CDH9: variants seen among roughly 807,000 people sequenced by gnomAD.
CDH9 encodes the protein cadherin 9, also known as cadherin-9.
A neutral mutation model predicts 70.9 loss-of-function variants in CDH9; 28 were observed. The ratio of observed to expected loss-of-function variants is 0.40; its 90% CI spans 0.29 to 0.54. The LOEUF (loss-of-function observed/expected upper bound fraction) is 0.54, where lower values mean the gene tolerates loss of function less well. Ranked by LOEUF, CDH9 falls within the 20% of genes least tolerant of loss-of-function variation. The probability of loss-of-function intolerance (pLI) is 0.59; values close to 1 mark genes in which losing one functional copy is unlikely to be tolerated. For synonymous variants in CDH9, 409 were observed against 343.1 expected (o/e 1.19, Z -2.12); for missense variants, 874 against 984.4 (o/e 0.89, Z 1.50).
At chr5:26,945,981 GA>G in intron 2 of CDH9, among the ~76,000 whole-genome samples, 1 of 152,202 alleles carries the variant, frequency 6.6e-6, no homozygotes, top group African/African-American at 2.4e-5. Context: ...AGAAAATGAA[GA>G]AGAAAATCTT....
chr5:26,962,006 G>A (rs1461537511), intron 2 of CDH9, among the ~76,000 whole-genome samples: 2 of 152,102 alleles, frequency 1.3e-5, no homozygotes, highest in Non-Finnish European at 2.9e-5. Context: ...GCCCTGGTGT[G>A]TGATGTCGCC....
intron 2 of CDH9, among the ~76,000 whole-genome samples, chr5:26,942,656 C>G (rs1161393492): frequency 2.0e-5 from 3 of 152,126 alleles, no homozygotes; most frequent in Admixed American, 1.3e-4. Flanking sequence ...TCATGATATG[C>G]TGTTTAAAGT....
At chr5:26,961,656 T>TA (rs764712234) in intron 2 of CDH9, among the ~76,000 whole-genome samples, 48 of 152,130 alleles carry the variant, frequency 3.2e-4, no homozygotes, top group East Asian at 5.8e-4. Flanking sequence ...ATAAACAAAA[T>TA]AAAAAAACTA....
At chr5:26,972,983 C>G (rs781045887) in intron 2 of CDH9, among the ~76,000 whole-genome samples, 1 of 152,038 alleles carries the variant, frequency 6.6e-6, no homozygotes, top group East Asian at 1.9e-4. Flanking sequence ...CCTGCCTCAG[C>G]CTTCCAAGTA....
At chr5:27,032,533 A>C (rs142575081) in intron 1 of CDH9, among the ~76,000 whole-genome samples, 3 of 151,828 alleles carry the variant, frequency 2.0e-5, no homozygotes, top group African/African-American at 7.2e-5. Context: ...GGGGAGGCAG[A>C]AAACTATTTT....
At chr5:26,911,503 A>C (rs1248100076) in intron 3 of CDH9, among the ~76,000 whole-genome samples, 1 of 152,122 alleles carries the variant, frequency 6.6e-6, no homozygotes, top group East Asian at 1.9e-4. Context: ...TGTTAGGAAG[A>C]GGACTGGATA....
At chr5:27,016,668 C>A (rs1743051717) in intron 1 of CDH9, among the ~76,000 whole-genome samples, 1 of 151,576 alleles carries the variant, frequency 6.6e-6, no homozygotes, top group Non-Finnish European at 1.5e-5. Context: ...AACCGATATG[C>A]AAATTATCCA....
At chr5:27,005,857 A>G (rs1395703531) in intron 1 of CDH9, among the ~76,000 whole-genome samples, 9 of 152,154 alleles carry the variant, frequency 5.9e-5, no homozygotes, top group Non-Finnish European at 1.2e-4. Context: ...ATGCAGTCAT[A>G]TCTTTTGCTT....
intron 1 of CDH9, among the ~76,000 whole-genome samples, chr5:27,025,037 A>T (rs1031137843): frequency 6.6e-5 from 10 of 152,112 alleles, no homozygotes; most frequent in African/African-American, 2.4e-4. Context: ...GCATTTCCTT[A>T]TAGAAAATAT....
intron 1 of CDH9, among the ~76,000 whole-genome samples, chr5:26,990,072 T>C (rs1042269704): frequency 1.3e-5 from 2 of 152,126 alleles, no homozygotes; most frequent in Admixed American, 1.3e-4. Flanking sequence ...GTTTTTAATA[T>C]AAGACAATGC....
chr5:27,026,197 A>G (rs1191363079), intron 1 of CDH9, among the ~76,000 whole-genome samples: 1 of 152,058 alleles, frequency 6.6e-6, no homozygotes, highest in Non-Finnish European at 1.5e-5. Context: ...TTAATAAAAC[A>G]CTGAAACAAG....
chr5:26,979,773 A>G (rs1272089337), intron 2 of CDH9, among the ~76,000 whole-genome samples: 9 of 151,988 alleles, frequency 5.9e-5, no homozygotes, highest in East Asian at 3.9e-4. Context: ...GTTAACCTCA[A>G]GTAAGTGGTA....
At chr5:27,019,191 C>T (rs1441312109) in intron 1 of CDH9, among the ~76,000 whole-genome samples, 2 of 151,582 alleles carry the variant, frequency 1.3e-5, no homozygotes, top group Admixed American at 6.6e-5. Context: ...TTGGGTATGA[C>T]GAGAAAGGAA....
At chr5:26,982,467 A>G (rs1742415044) in intron 2 of CDH9, among the ~76,000 whole-genome samples, 1 of 152,094 alleles carries the variant, frequency 6.6e-6, no homozygotes, top group Non-Finnish European at 1.5e-5. Context: ...TGCTTTTTCT[A>G]TTTTTCATAA....
chr5:27,005,810 A>G (rs1742852893), intron 1 of CDH9, among the ~76,000 whole-genome samples: 1 of 152,178 alleles, frequency 6.6e-6, no homozygotes, highest in East Asian at 1.9e-4. Context: ...ATTGTGGTAC[A>G]TAGATACCAT....
chr5:26,921,915 C>T (rs1379728305), intron 2 of CDH9, among the ~76,000 whole-genome samples: 1 of 151,032 alleles, frequency 6.6e-6, no homozygotes, highest in Non-Finnish European at 1.5e-5. Context: ...AATTCTGGAG[C>T]TGAAAAAATG....
At chr5:26,908,855 T>C (rs1740996404) in intron 3 of CDH9, among the ~76,000 whole-genome samples, 1 of 152,204 alleles carries the variant, frequency 6.6e-6, no homozygotes, top group Admixed American at 6.5e-5. Context: ...TATGTTATTT[T>C]TTAGCAAACT....
chr5:26,900,504 TGC>T lies in CDH9; in HGVS notation c.1253+1970_1253+1971del, dbSNP rs1237483435. Among the ~76,000 whole-genome samples, 3 of 152,166 alleles carry T rather than the reference TGC, an allele frequency of 2.0e-5. No homozygotes were observed. In the East Asian group the frequency reaches 5.8e-4, roughly 29 times the overall value. On this transcript the variant is annotated intron_variant, in intron 7 of 11. Transcript: ENST00000231021. Reference sequence around the variant, plus strand: ...AAGGGGCATCATGCCTCTTGCAAGGTGCCCAGCATTTACTGAATTCCTAATAA... The same window carrying T: ...AAGGGGCATCATGCCTCTTGCAAGGTCCAGCATTTACTGAATTCCTAATAA...
intron 2 of CDH9, among the ~76,000 whole-genome samples, chr5:26,960,318 G>A (rs887048595): frequency 3.3e-5 from 5 of 152,008 alleles, no homozygotes; most frequent in South Asian, 2.1e-4. Flanking sequence ...TAAATGCGTA[G>A]ATAAAATCAA....
Sources: gnomAD v4.1 joint callset for allele counts (sites outside exome capture counted in the v4.1 genomes callset) on GRCh38, gnomAD v4.1.1 for gene constraint, MANE v1.5 for transcripts, NCBI Gene and HGNC (gene_info 2026-07-23, HGNC 2026-07-21) for gene names.